The following CD2AP variants were observed in gnomAD, a reference collection of about 807,000 sequenced individuals.
CD2AP encodes CD2-associated protein.
Under a neutral mutation model 85.1 loss-of-function variants are expected in CD2AP, and 46 were observed. That is an observed-to-expected ratio of 0.54 (90% CI 0.43 to 0.69). The LOEUF is 0.69. CD2AP is among the 30% of genes least tolerant of loss of function. The pLI, the probability that CD2AP is intolerant of heterozygous loss-of-function variation, is 0.00. For missense variants in CD2AP, 769 were observed against 729.5 expected (o/e 1.05, Z -0.62); for synonymous variants, 255 against 252.9 (o/e 1.01, Z -0.08).
intron 3 of CD2AP, 58 bp from the exon 4 acceptor site, chr6:47,544,548 T>G: frequency 9.1e-7 from 1 of 1,095,764 alleles, no homozygotes; most frequent in Non-Finnish European, 1.4e-6. Flanking sequence ...CATGTAAATA[T>G]ACTGTTTTTA....
In CD2AP at chr6:47,518,703, G is replaced by A. The variant is rs193015188; in HGVS notation, c.166-14899G>A. On this transcript the variant is annotated intron_variant, in intron 2 of 17. Coordinates refer to ENST00000359314, the MANE Select transcript of CD2AP (RefSeq NM_012120.3). The stretch of plus-strand genomic sequence containing the variant: ...GGGGTATATAAGAAACTGCAAAACT[G>A]TATTCTGAAGTGATTGTCCCATTTC... 1.1e-3 allele frequency among the ~76,000 whole-genome samples: 163 copies of A among 152,304 alleles called. No homozygotes were observed. The South Asian group carries it at 0.012, about 11-fold the overall frequency.
At chr6:47,576,704 A>G in intron 7 of CD2AP, 102 bp downstream of exon 7, 1 of 893,878 alleles carries the variant, frequency 1.1e-6, no homozygotes, top group Non-Finnish European at 1.8e-6. Flanking sequence ...TTATTAGAAT[A>G]GCAAATTCTA....
At position 47,610,489 on chromosome 6, in the gene CD2AP, G is replaced by A. The variant is rs1769400150; in HGVS notation, c.1814+1185G>A. Among the ~76,000 whole-genome samples, 3 of 152,168 alleles carry A rather than the reference G, an allele frequency of 2.0e-5. No homozygotes were observed. The South Asian group carries it at 6.2e-4, about 32-fold the overall frequency. Reference sequence around the variant, plus strand: ...TATGGCCAGAGGCCATGTTCCCTCTGAGCCTGATTTTATCATTTCTTTTCC... The same window carrying A: ...TATGGCCAGAGGCCATGTTCCCTCTAAGCCTGATTTTATCATTTCTTTTCC... On this transcript the variant is annotated intron_variant, in intron 16 of 17. Coordinates refer to ENST00000359314, the MANE Select transcript of CD2AP (RefSeq NM_012120.3).
intron 16 of CD2AP, among the ~76,000 whole-genome samples, chr6:47,610,395 A>C (rs933615327): frequency 6.6e-6 from 1 of 152,156 alleles, no homozygotes; most frequent in African/African-American, 2.4e-5. Flanking sequence ...ATTTCTTGGA[A>C]TATGGTACAA....
rs75096069 is a variant in CD2AP at position 47,569,576 on chromosome 6, A to G, written c.542-4488A>G. Among the ~76,000 whole-genome samples the G allele has an allele frequency of 4.1e-3, 617 of 151,662 alleles. 2 individuals are homozygous for G. The highest frequency in any genetic ancestry group is 0.014 in the African/African-American group (563 of 41,328). On this transcript the variant is annotated intron_variant, in intron 5 of 17. Coordinates refer to ENST00000359314, the MANE Select transcript of CD2AP (RefSeq NM_012120.3). ...ATGCATCACACAAAACATTTAAGAA[A>G]CCCTGATGGATTGTTCTTCAAGAGT...
intron 1 of CD2AP, among the ~76,000 whole-genome samples, chr6:47,498,559 G>T (rs892910017): frequency 7.9e-5 from 12 of 151,756 alleles, no homozygotes; most frequent in Admixed American, 2.6e-4. Context: ...TGGATTGATT[G>T]GGCCTTTTCC....
chr6:47,605,313 T>C (rs1769240581), intron 13 of CD2AP, among the ~76,000 whole-genome samples: 1 of 151,980 alleles, frequency 6.6e-6, no homozygotes, highest in Non-Finnish European at 1.5e-5. Context: ...GATTCATATA[T>C]AGATATCTGG....
chr6:47,580,926 T>C, intron 10 of CD2AP, 26 bp downstream of exon 10: 1 of 1,551,100 alleles, frequency 6.4e-7, no homozygotes, highest in Non-Finnish European at 8.9e-7. Context: ...ATTATTCAGT[T>C]TGCTATTTTC....
chr6:47,499,119 A>G (rs546469012), intron 1 of CD2AP, among the ~76,000 whole-genome samples: 52 of 152,328 alleles, frequency 3.4e-4, no homozygotes, highest in Non-Finnish European at 7.2e-4. Context: ...TTTCTGGCAC[A>G]ACAAAATGTT....
At chr6:47,497,332 T>C (rs200993256) in intron 1 of CD2AP, among the ~76,000 whole-genome samples, 5 of 143,874 alleles carry the variant, frequency 3.5e-5, no homozygotes, top group Admixed American at 6.9e-5. Flanking sequence ...TTTCCTTTCC[T>C]TTCCCTTCCC....
At chr6:47,524,967 T>G (rs1451408099) in intron 2 of CD2AP, among the ~76,000 whole-genome samples, 1 of 152,174 alleles carries the variant, frequency 6.6e-6, no homozygotes, top group Non-Finnish European at 1.5e-5. Flanking sequence ...TTCTTTGAAC[T>G]TAAGTGCTTT....
intron 13 of CD2AP, among the ~76,000 whole-genome samples, chr6:47,603,667 T>C (rs1769200462): frequency 1.3e-5 from 2 of 152,148 alleles, no homozygotes; most frequent in African/African-American, 4.8e-5. Context: ...GTTTTATTCA[T>C]TCTACAGCTG....
At chr6:47,526,736 G>T (rs1198816747) in intron 2 of CD2AP, among the ~76,000 whole-genome samples, 2 of 152,156 alleles carry the variant, frequency 1.3e-5, no homozygotes, top group Non-Finnish European at 2.9e-5. Context: ...AACAGGATTT[G>T]AATAGTAAGT....
At chr6:47,488,504 A>T (rs188931160) in intron 1 of CD2AP, among the ~76,000 whole-genome samples, 81 of 152,274 alleles carry the variant, frequency 5.3e-4, no homozygotes, top group Non-Finnish European at 9.7e-4. Flanking sequence ...TGTATTCAGT[A>T]TAAAAAGTTA....
intron 16 of CD2AP, among the ~76,000 whole-genome samples, chr6:47,611,509 A>G (rs1285805656): frequency 6.6e-6 from 1 of 151,926 alleles, no homozygotes; most frequent in East Asian, 1.9e-4. Flanking sequence ...TTTATAGCTT[A>G]GTTATCACTA....
intron 7 of CD2AP, 87 bp downstream of exon 7, chr6:47,576,689 C>T: frequency 2.0e-6 from 2 of 1,005,406 alleles, no homozygotes; most frequent in South Asian, 2.6e-5. Flanking sequence ...ATTTGTTACA[C>T]TGTCTTATTA....
At chr6:47,487,159 T>C (rs553679715) in intron 1 of CD2AP, among the ~76,000 whole-genome samples, 3 of 152,322 alleles carry the variant, frequency 2.0e-5, no homozygotes, top group Admixed American at 1.3e-4. Flanking sequence ...TTTACTTACC[T>C]ACTAATTTGG....
At chr6:47,557,833 A>G (rs1325662221) in intron 5 of CD2AP, among the ~76,000 whole-genome samples, 7 of 152,126 alleles carry the variant, frequency 4.6e-5, no homozygotes, top group Non-Finnish European at 7.4e-5. Context: ...CATATGAAAC[A>G]TAAAGTAGTT....
chr6:47,568,017 G>A (rs1420136791), intron 5 of CD2AP, among the ~76,000 whole-genome samples: 1 of 152,132 alleles, frequency 6.6e-6, no homozygotes, highest in Non-Finnish European at 1.5e-5. Flanking sequence ...CTATGGGGAT[G>A]GAGAGACACG....
Sources: allele counts gnomAD v4.1 joint callset (sites outside exome capture counted in the v4.1 genomes callset), GRCh38; gene constraint gnomAD v4.1.1; transcripts MANE v1.5; gene names NCBI Gene and HGNC (gene_info 2026-07-23, HGNC 2026-07-21).